Variants in HMCN1 observed in about 807,000 individuals in gnomAD.
HMCN1 encodes hemicentin 1, also known as hemicentin-1.
HMCN1 carries 321 observed loss-of-function variants against 625.9 expected under a neutral mutation model. That is an observed-to-expected ratio of 0.51 (90% CI 0.47 to 0.56). The LOEUF (loss-of-function observed/expected upper bound fraction) is 0.56. Among genes scored for constraint, HMCN1 ranks in the 20% least tolerant of loss-of-function variants. The pLI, the probability that HMCN1 is intolerant of heterozygous loss-of-function variation, is 0.00. For missense variants in HMCN1, 6,588 were observed against 6,887.3 expected, an observed-to-expected ratio of 0.96 and a Z score of 1.54; for synonymous variants, 2,425 against 2,417.6, an observed-to-expected ratio of 1.00 and a Z score of -0.09.
chr1:185,865,779 C>A lies in HMCN1; in HGVS notation c.537C>A (p.Thr179=). 2 of 1,611,392 alleles carry A rather than the reference C, an allele frequency of 1.2e-6. No homozygotes were observed. Among genetic ancestry groups the A allele is most frequent in the Non-Finnish European group, 1.7e-6 (2 of 1,178,486 alleles). Reference sequence around the variant, plus strand: ...TGACTGGAGATTGTGATGACAGGACCCATATTGGATATAAAGTCTATGAAG... The same window carrying A: ...TGACTGGAGATTGTGATGACAGGACACATATTGGATATAAAGTCTATGAAG... ...FVLTGDCDDR[T]HIGYKVYEEI... is the part of the protein sequence containing the mutation. The change falls in exon 4 of 107, where the codon ACC becomes ACA. Residue 179 remains threonine, a synonymous_variant. Coordinates refer to ENST00000271588, the MANE Select transcript of HMCN1 (RefSeq NM_031935.3).
intron 6 of HMCN1, among the ~76,000 whole-genome samples, chr1:185,919,014 T>TA (rs1478903719): frequency 1.3e-5 from 2 of 151,534 alleles, no homozygotes; most frequent in Non-Finnish European, 1.5e-5. Flanking sequence ...ATCTAGATGA[T>TA]AAAAAAAGAC....
chr1:185,855,583 A>C lies in HMCN1; in HGVS notation c.340-8887A>C, dbSNP rs1317268432. ...AATCAAGATATTGAGTGCCTGGTAC[A>C]TAGTGCAGTTTTTATAAATATTTTA... On this transcript the variant is annotated intron_variant, in intron 2 of 106. Coordinates refer to ENST00000271588, the MANE Select transcript of HMCN1 (RefSeq NM_031935.3). 2.6e-5 allele frequency among the ~76,000 whole-genome samples: 4 copies of C among 152,194 alleles called. No homozygotes were observed. The East Asian group carries it at 5.8e-4, about 22-fold the overall frequency.
intron 11 of HMCN1, among the ~76,000 whole-genome samples, chr1:185,941,608 TTGGTATTCACGTAATTTCTCTG>T (rs1321069984): frequency 4.6e-5 from 7 of 152,198 alleles, no homozygotes; most frequent in African/African-American, 1.4e-4. Context: ...TAGGAAAAAT[TTGGTATTCACGTAATTTCTCTG>T]CCAAATGTAA....
chr1:185,778,136 G>T (rs2102163870), intron 1 of HMCN1, among the ~76,000 whole-genome samples: 1 of 152,194 alleles, frequency 6.6e-6, no homozygotes, highest in African/African-American at 2.4e-5. Flanking sequence ...AAGATAATTA[G>T]CCCTAAGTGT....
chr1:185,956,103 A>T (rs985096114), intron 11 of HMCN1, among the ~76,000 whole-genome samples: 2 of 152,148 alleles, frequency 1.3e-5, no homozygotes, highest in African/African-American at 4.8e-5. Context: ...ATACACTGTG[A>T]GATACTTATT....
At chr1:186,130,845 A>G (rs1008216305) in intron 85 of HMCN1, 148 bp downstream of exon 85, 5 of 811,618 alleles carry the variant, frequency 6.2e-6, no homozygotes, top group African/African-American at 3.4e-5. Flanking sequence ...AACTGAAACA[A>G]GGATTGAAAT....
rs1655892584 is a variant in HMCN1 at position 186,037,214 on chromosome 1, G to GTTTGTTTTGTTTGAAGA, written c.5750-720_5750-719insTTTGTTTTGTTTGAAGA. On this transcript the variant is annotated intron_variant, in intron 36 of 106. Coordinates refer to ENST00000271588, the MANE Select transcript of HMCN1 (RefSeq NM_031935.3). Reference sequence around the variant, plus strand: ...TACAACATCTTCTTCAAACAAGACAGAACCTTTAGTTCACTTGTAATTTTT... The same window carrying GTTTGTTTTGTTTGAAGA: ...TACAACATCTTCTTCAAACAAGACAGTTTGTTTTGTTTGAAGAAACCTTTAGTTCACTTGTAATTTTT... Among the ~76,000 whole-genome samples the GTTTGTTTTGTTTGAAGA allele has an allele frequency of 2.0e-5, 3 of 151,882 alleles. No homozygotes were observed. In the South Asian group the frequency reaches 6.2e-4, roughly 32 times the overall value.
intron 4 of HMCN1, among the ~76,000 whole-genome samples, chr1:185,898,206 T>A (rs1191368799): frequency 6.6e-6 from 1 of 152,030 alleles, no homozygotes; most frequent in East Asian, 1.9e-4. Context: ...AAAAGTTAAT[T>A]AGGTCCTAAT....
intron 1 of HMCN1, among the ~76,000 whole-genome samples, chr1:185,843,181 T>G (rs1661591399): frequency 6.6e-6 from 1 of 152,240 alleles, no homozygotes; most frequent in South Asian, 2.1e-4. Context: ...TCTCTGCATT[T>G]TGTTAAATAT....
intron 1 of HMCN1, among the ~76,000 whole-genome samples, chr1:185,781,012 G>A (rs1384238745): frequency 2.0e-5 from 3 of 152,182 alleles, no homozygotes; most frequent in Admixed American, 6.5e-5. Flanking sequence ...ATTAATTATT[G>A]CCTCAATTTC....
At chr1:185,984,433 C>T in intron 19 of HMCN1, 120 bp downstream of exon 19, 2 of 1,022,252 alleles carry the variant, frequency 2.0e-6, no homozygotes, top group Admixed American at 1.8e-5. Context: ...ATTGTTATTT[C>T]CTATTTCTTG....
intron 58 of HMCN1, among the ~76,000 whole-genome samples, 158 bp from the exon 59 acceptor site, chr1:186,087,059 A>G (rs1659542034): frequency 6.6e-6 from 1 of 152,146 alleles, no homozygotes; most frequent in Admixed American, 6.6e-5. Context: ...AGGAAAGATC[A>G]AAGAAAACTG....
At chr1:186,158,419 T>G (rs530050653) in intron 97 of HMCN1, among the ~76,000 whole-genome samples, 1 of 152,216 alleles carries the variant, frequency 6.6e-6, no homozygotes, top group East Asian at 1.9e-4. Flanking sequence ...TCTTTTGCTG[T>G]GCAGAAGCTC....
chr1:185,768,467 G>A (rs1251927907), intron 1 of HMCN1, among the ~76,000 whole-genome samples: 1 of 152,138 alleles, frequency 6.6e-6, no homozygotes, highest in Non-Finnish European at 1.5e-5. Context: ...AGAAACAAAA[G>A]GTAGGTAAAC....
At chr1:186,132,462 A>T in intron 86 of HMCN1, 53 bp downstream of exon 86, 1 of 1,316,880 alleles carries the variant, frequency 7.6e-7, no homozygotes, top group Non-Finnish European at 1.1e-6. Flanking sequence ...ATATTACCTA[A>T]TAAAGAGTAT....
intron 63 of HMCN1, 139 bp downstream of exon 63, chr1:186,088,894 T>C (rs1453458219): frequency 2.3e-6 from 2 of 858,436 alleles, no homozygotes; most frequent in African/African-American, 1.7e-5. Context: ...CAGTTTTCTG[T>C]CTTATATTTA....
intron 1 of HMCN1, among the ~76,000 whole-genome samples, chr1:185,778,420 A>G (rs1004625266): frequency 2.0e-5 from 3 of 151,330 alleles, no homozygotes; most frequent in Non-Finnish European, 4.4e-5. Flanking sequence ...ATATGTATAC[A>G]TGCGCCATGT....
chr1:185,989,073 T>C (rs1448742233), intron 20 of HMCN1, among the ~76,000 whole-genome samples: 2 of 146,870 alleles, frequency 1.4e-5, no homozygotes, highest in Non-Finnish European at 3.0e-5. Context: ...AGTGGCACGA[T>C]CTTGGCTCAC....
intron 29 of HMCN1, among the ~76,000 whole-genome samples, chr1:186,005,611 TAAAAAC>T (rs925736339): frequency 2.3e-4 from 35 of 151,966 alleles, no homozygotes; most frequent in African/African-American, 7.5e-4. Context: ...TTAATTTTGT[TAAAAAC>T]AAAAATGTTC....
Sources: gnomAD v4.1 joint callset for allele counts (sites outside exome capture counted in the v4.1 genomes callset) on GRCh38, gnomAD v4.1.1 for gene constraint, MANE v1.5 for transcripts, NCBI Gene and HGNC (gene_info 2026-07-23, HGNC 2026-07-21) for gene names.